VPS13B: variants seen among roughly 807,000 people sequenced by gnomAD.
The protein encoded by VPS13B is vacuolar protein sorting 13 homolog B, also known as intermembrane lipid transfer protein VPS13B.
In VPS13B, 285 loss-of-function variants were observed where a neutral mutation model predicts 426.4. The observed-to-expected ratio is 0.67, with a 90% confidence interval of 0.61 to 0.74. The LOEUF (loss-of-function observed/expected upper bound fraction) is 0.74, where lower values mean the gene tolerates loss of function less well. Among genes scored for constraint, VPS13B ranks in the 30% least tolerant of loss-of-function variants. VPS13B has a pLI of 0.00. For missense variants in VPS13B, 4,537 were observed against 4,782.6 expected (o/e 0.95, Z 1.51); for synonymous variants, 1,676 against 1,676.4 (o/e 1.00, Z 0.01).
intron 19 of VPS13B, among the ~76,000 whole-genome samples, chr8:99,345,898 G>T (rs1198599030): frequency 6.6e-6 from 1 of 152,206 alleles, no homozygotes; most frequent in Non-Finnish European, 1.5e-5. Flanking sequence ...GCAGGGAGAA[G>T]TGTCTAGCCA....
At chr8:99,030,632 G>A (rs1331528215) in intron 2 of VPS13B, among the ~76,000 whole-genome samples, 2 of 152,156 alleles carry the variant, frequency 1.3e-5, no homozygotes, top group African/African-American at 4.8e-5. Flanking sequence ...AAATAAAAAT[G>A]CGTAAAGTAT....
chr8:99,049,407 C>T (rs1422055288), intron 3 of VPS13B, among the ~76,000 whole-genome samples: 6 of 151,680 alleles, frequency 4.0e-5, no homozygotes, highest in Non-Finnish European at 8.8e-5. Context: ...TCTATCTTTC[C>T]TTCATTTATG....
intron 21 of VPS13B, among the ~76,000 whole-genome samples, chr8:99,400,561 C>T (rs1057124995): frequency 9.9e-5 from 15 of 151,996 alleles, no homozygotes; most frequent in East Asian, 1.9e-4. Context: ...TGTAATAAAG[C>T]GTGTAAGGTT....
At chr8:99,795,325 C>T (rs755808844) in intron 43 of VPS13B, among the ~76,000 whole-genome samples, 2 of 152,150 alleles carry the variant, frequency 1.3e-5, no homozygotes, top group African/African-American at 2.4e-5. Context: ...TAACATTTTT[C>T]GCACTCTGTA....
In VPS13B at chr8:99,877,571, GATTAA is replaced by G. The variant is rs890706579; in HGVS notation, c.*1910_*1914del. 2.0e-5 allele frequency: 3 copies of G among 152,198 alleles called. No individual in the cohort carries two copies. The highest frequency in any genetic ancestry group is 7.2e-5 in the African/African-American group (3 of 41,412). 9.4% of individuals were successfully genotyped at this position (152,198 alleles called of 1,614,324 possible). ...CAGGTTTTGTTATAATAAAGTTACT[GATTAA>G]ATTAGCTTTGAATAAGTGTCATTTT... On this transcript the variant is annotated 3_prime_UTR_variant, in exon 62 of 62. Transcript: ENST00000357162.
intron 17 of VPS13B, among the ~76,000 whole-genome samples, chr8:99,235,435 C>T (rs1053375813): frequency 1.3e-5 from 2 of 152,106 alleles, no homozygotes; most frequent in African/African-American, 4.8e-5. Context: ...TATATTTTAA[C>T]AATATGGAAA....
intron 17 of VPS13B, among the ~76,000 whole-genome samples, chr8:99,248,188 A>G (rs1817320870): frequency 6.6e-6 from 1 of 152,190 alleles, no homozygotes; most frequent in Non-Finnish European, 1.5e-5. Context: ...CTTTTGGTAT[A>G]ATAGCCTGTC....
At chr8:99,425,609 A>C (rs966779464) in intron 21 of VPS13B, among the ~76,000 whole-genome samples, 2 of 152,208 alleles carry the variant, frequency 1.3e-5, no homozygotes, top group Non-Finnish European at 2.9e-5. Flanking sequence ...AGCCAATATC[A>C]TACTGAATGG....
chr8:99,547,999 T>A (rs960262354), intron 30 of VPS13B, among the ~76,000 whole-genome samples: 1 of 152,074 alleles, frequency 6.6e-6, no homozygotes, highest in African/African-American at 2.4e-5. Flanking sequence ...TAGGAAACAT[T>A]TAATTAGTAA....
chr8:99,247,750 T>C (rs1448259655), intron 17 of VPS13B, among the ~76,000 whole-genome samples: 1 of 152,270 alleles, frequency 6.6e-6, no homozygotes, highest in Non-Finnish European at 1.5e-5. Context: ...ACATGTCTTC[T>C]ATATTCATTT....
At chr8:99,552,771 A>G (rs921114941) in intron 30 of VPS13B, among the ~76,000 whole-genome samples, 2 of 152,098 alleles carry the variant, frequency 1.3e-5, no homozygotes, top group African/African-American at 4.8e-5. Flanking sequence ...CCTCAATGGA[A>G]ACGTCTTGTA....
chr8:99,231,381 G>A (rs1816314634), intron 17 of VPS13B, among the ~76,000 whole-genome samples: 1 of 151,950 alleles, frequency 6.6e-6, no homozygotes, highest in Admixed American at 6.6e-5. Flanking sequence ...GTGGTATAAC[G>A]GCTTGCTCAC....
At chr8:99,822,416 TA>T (rs1325928864) in intron 50 of VPS13B, among the ~76,000 whole-genome samples, 1 of 152,214 alleles carries the variant, frequency 6.6e-6, no homozygotes, top group Non-Finnish European at 1.5e-5. Flanking sequence ...AACACATGTT[TA>T]TGCTCTGACG....
rs1230496686 is a variant in VPS13B at position 99,056,882 on chromosome 8, C to T, written c.291+18316C>T. 3.3e-5 allele frequency among the ~76,000 whole-genome samples: 5 copies of T among 152,082 alleles called. No individual in the cohort carries two copies. The East Asian group carries it at 9.6e-4, about 29-fold the overall frequency. On this transcript the variant is annotated intron_variant, in intron 3 of 61. Coordinates refer to ENST00000357162, the MANE Select transcript of VPS13B (RefSeq NM_152564.5). ...GTACGCTTCTCTAATTATTTAGATT[C>T]CTTTGTATTTCTTTCATCAGCATTT...
intron 39 of VPS13B, among the ~76,000 whole-genome samples, chr8:99,763,135 CAAAAAAAAAAA>C (rs750289763): frequency 3.4e-3 from 121 of 35,834 alleles, no homozygotes; most frequent in Middle Eastern, 0.036. Context: ...GACCTTGTCT[CAAAAAAAAAAA>C]AAAAAAAAAA....
At chr8:99,830,745 A>G (rs990492651) in intron 51 of VPS13B, among the ~76,000 whole-genome samples, 1 of 152,166 alleles carries the variant, frequency 6.6e-6, no homozygotes, top group Non-Finnish European at 1.5e-5. Flanking sequence ...ACCAGAGGCA[A>G]TCTCCTGGTC....
chr8:99,115,665 G>A (rs752165124), intron 6 of VPS13B, 35 bp from the exon 7 acceptor site: 1 of 1,600,836 alleles, frequency 6.2e-7, no homozygotes, highest in East Asian at 2.2e-5. Context: ...TTTTAAACAT[G>A]CGTTTGTTGG....
chr8:99,331,139 G>A lies in VPS13B; in HGVS notation c.2825-53069G>A, dbSNP rs568899986. Reference sequence around the variant, plus strand: ...GTTCCACTAAACTCTTACTTATCTGGTTTGTGGCAGAGAATGAGACCTATA... The same window carrying A: ...GTTCCACTAAACTCTTACTTATCTGATTTGTGGCAGAGAATGAGACCTATA... On this transcript the variant is annotated intron_variant, in intron 19 of 61. Transcript: ENST00000357162. 7.2e-5 allele frequency among the ~76,000 whole-genome samples: 11 copies of A among 151,834 alleles called. 1 individual carries two copies. Among genetic ancestry groups the A allele is most frequent in the Admixed American group, 6.6e-4 (10 of 15,222 alleles).
chr8:99,669,625 G>A (rs1830626173), intron 35 of VPS13B, among the ~76,000 whole-genome samples: 3 of 152,056 alleles, frequency 2.0e-5, no homozygotes, highest in Admixed American at 6.6e-5. Context: ...GTCTATATTT[G>A]AAATGCATGG....
Sources: gnomAD v4.1 joint callset for allele counts (sites outside exome capture counted in the v4.1 genomes callset) on GRCh38, gnomAD v4.1.1 for gene constraint, MANE v1.5 for transcripts, NCBI Gene and HGNC (gene_info 2026-07-23, HGNC 2026-07-21) for gene names.